The following MDFIC2 variants were observed in gnomAD, a reference collection of about 807,000 sequenced individuals.
MDFIC2 encodes MyoD family inhibitor domain containing 2, also known as myoD family inhibitor domain-containing protein 2.
At chr3:70,295,084 C>T (rs767828901) in intron 2 of MDFIC2, among the ~76,000 whole-genome samples, 2 of 152,096 alleles carry the variant, frequency 1.3e-5, no homozygotes, top group Non-Finnish European at 2.9e-5. Flanking sequence ...TTGGCAAGGG[C>T]AGTGGGACCA....
At chr3:70,296,499 A>G (rs1474453067) in intron 2 of MDFIC2, among the ~76,000 whole-genome samples, 1 of 152,180 alleles carries the variant, frequency 6.6e-6, no homozygotes, top group African/African-American at 2.4e-5. Flanking sequence ...AATTTTCCAA[A>G]TAAGATAATT....
At chr3:70,259,911 A>G (rs1701849846) in intron 2 of MDFIC2, among the ~76,000 whole-genome samples, 1 of 152,164 alleles carries the variant, frequency 6.6e-6, no homozygotes, top group Admixed American at 6.6e-5. Flanking sequence ...ACAAGGAAGC[A>G]GGAAGGAGAA....
At chr3:70,198,456 A>C (rs776293051) in intron 3 of MDFIC2, among the ~76,000 whole-genome samples, 4 of 152,356 alleles carry the variant, frequency 2.6e-5, no homozygotes, top group Middle Eastern at 3.4e-3. Context: ...AAGTGAAAGA[A>C]AAATATGGAA....
intron 2 of MDFIC2, among the ~76,000 whole-genome samples, chr3:70,277,650 A>T: frequency 6.6e-6 from 1 of 152,140 alleles, no homozygotes; most frequent in East Asian, 1.9e-4. Context: ...TCTTCTAATG[A>T]AAGTATGGTC....
At chr3:70,310,043 G>A (rs1177668635) in intron 2 of MDFIC2, among the ~76,000 whole-genome samples, 3 of 152,140 alleles carry the variant, frequency 2.0e-5, no homozygotes, top group African/African-American at 7.2e-5. Context: ...TGGTGGTGAA[G>A]AACATCTCTA....
At chr3:70,225,824 T>C (rs914607840) in intron 2 of MDFIC2, among the ~76,000 whole-genome samples, 17 of 152,198 alleles carry the variant, frequency 1.1e-4, no homozygotes, top group African/African-American at 4.1e-4. Flanking sequence ...ATTGTTGAAA[T>C]AATGTTATAA....
intron 2 of MDFIC2, among the ~76,000 whole-genome samples, chr3:70,309,050 A>G (rs1239391748): frequency 6.6e-6 from 1 of 152,182 alleles, no homozygotes; most frequent in African/African-American, 2.4e-5. Flanking sequence ...GAACAACTGA[A>G]AGTATCTGTA....
rs1479027107 is a variant in MDFIC2 at position 70,274,096 on chromosome 3, C to CAT, written c.88+37789_88+37790insAT. Among the ~76,000 whole-genome samples the CAT allele has an allele frequency of 2.7e-4, 40 of 149,282 alleles. 2 individuals are homozygous for CAT. The South Asian group carries it at 5.0e-3, about 19-fold the overall frequency. ...GTGTGTGTGTGTGTGTGTGTGCGCGCGCGCATGTGTGTGTGTGAGACTGGG... is the reference window on the plus strand; with the variant it reads ...GTGTGTGTGTGTGTGTGTGTGCGCGCATGCGCATGTGTGTGTGTGAGACTGGG... On this transcript the variant is annotated intron_variant, in intron 2 of 3. Coordinates refer to ENST00000567252, the MANE Select transcript of MDFIC2 (RefSeq NM_001364677.1).
chr3:70,266,698 C>A (rs7427582), intron 2 of MDFIC2, among the ~76,000 whole-genome samples: 151,202 of 152,290 alleles, frequency 0.99, 75,070 homozygotes, highest in Non-Finnish European at 1. Context: ...CTTCTGCCTC[C>A]GCCTCCCAAA....
intron 2 of MDFIC2, among the ~76,000 whole-genome samples, chr3:70,277,152 C>G (rs1702035246): frequency 6.6e-6 from 1 of 152,158 alleles, no homozygotes; most frequent in Non-Finnish European, 1.5e-5. Context: ...TTTTATCAAA[C>G]TTTCCTGATA....
chr3:70,286,733 C>T (rs1366390526), intron 2 of MDFIC2, among the ~76,000 whole-genome samples: 2 of 151,970 alleles, frequency 1.3e-5, no homozygotes, highest in African/African-American at 4.8e-5. Flanking sequence ...CTTTTATTTC[C>T]TTGAGCAGTG....
intron 2 of MDFIC2, chr3:70,292,182 A>C (rs1702245172): frequency 6.6e-6 from 1 of 152,194 alleles, no homozygotes; most frequent in Non-Finnish European, 1.5e-5. Context: ...TCTGAATTCA[A>C]GCTTCCCTTT....
At chr3:70,257,906 C>G (rs758568021) in intron 2 of MDFIC2, among the ~76,000 whole-genome samples, 7 of 152,084 alleles carry the variant, frequency 4.6e-5, no homozygotes, top group Non-Finnish European at 8.8e-5. Context: ...ATCATGACAG[C>G]ATGGTATTGG....
At chr3:70,302,506 TC>T (rs1393643600) in intron 2 of MDFIC2, 1 of 152,162 alleles carries the variant, frequency 6.6e-6, no homozygotes, top group African/African-American at 2.4e-5. Flanking sequence ...GTGTATCACA[TC>T]AACAGCTGTT....
intron 2 of MDFIC2, among the ~76,000 whole-genome samples, chr3:70,225,602 G>A (rs1162010855): frequency 2.7e-5 from 4 of 147,014 alleles, no homozygotes; most frequent in African/African-American, 9.7e-5. Context: ...TAAAAGTGAA[G>A]ATGCTAGAAG....
intron 2 of MDFIC2, among the ~76,000 whole-genome samples, chr3:70,294,778 A>G (rs1702274221): frequency 6.6e-6 from 1 of 152,132 alleles, no homozygotes; most frequent in African/African-American, 2.4e-5. Context: ...TTTAGGTTAG[A>G]TGTGTGGCTT....
chr3:70,197,454 C>T (rs1271869771), intron 3 of MDFIC2, among the ~76,000 whole-genome samples: 1 of 152,136 alleles, frequency 6.6e-6, no homozygotes, highest in Admixed American at 6.5e-5. Context: ...TTCTAAACTC[C>T]TTTATTTACT....
At chr3:70,287,290 G>A (rs1368952654) in intron 2 of MDFIC2, among the ~76,000 whole-genome samples, 4 of 143,838 alleles carry the variant, frequency 2.8e-5, no homozygotes, top group Non-Finnish European at 4.6e-5. Flanking sequence ...TTTGTCAAAG[G>A]CCTTTTCTGC....
At chr3:70,253,807 C>T (rs1346181451) in intron 2 of MDFIC2, among the ~76,000 whole-genome samples, 1 of 152,076 alleles carries the variant, frequency 6.6e-6, no homozygotes, top group Non-Finnish European at 1.5e-5. Context: ...TAAGACTATA[C>T]CATAACCCAT....
Sources: allele counts gnomAD v4.1 joint callset (sites outside exome capture counted in the v4.1 genomes callset), GRCh38; gene constraint gnomAD v4.1.1; transcripts MANE v1.5; gene names NCBI Gene and HGNC (gene_info 2026-07-23, HGNC 2026-07-21).